SLC35F3: variants seen among roughly 807,000 people sequenced by gnomAD.
The protein encoded by SLC35F3 is solute carrier family 35 member F3.
In SLC35F3, 25 loss-of-function variants were observed where a neutral mutation model predicts 49.9. The ratio of observed to expected loss-of-function variants is 0.50; its 90% confidence interval spans 0.37 to 0.70. The LOEUF (loss-of-function observed/expected upper bound fraction) is 0.70, where lower values mean the gene tolerates loss of function less well. Among genes scored for constraint, SLC35F3 ranks in the 30% least tolerant of loss-of-function variants. SLC35F3 has a pLI of 0.00. For synonymous variants in SLC35F3, 275 were observed against 265.4 expected, an observed-to-expected ratio of 1.04 and a Z score of -0.35; for missense variants, 525 against 639.8, an observed-to-expected ratio of 0.82 and a Z score of 1.94.
chr1:233,913,799 A>G (rs1363936458), intron 2 of SLC35F3, among the ~76,000 whole-genome samples: 2 of 152,196 alleles, frequency 1.3e-5, no homozygotes, highest in Admixed American at 6.5e-5. Flanking sequence ...TAACCCTGCT[A>G]AAAACACTGA....
chr1:234,025,023 C>T (rs1198455490), intron 2 of SLC35F3, among the ~76,000 whole-genome samples: 1 of 152,130 alleles, frequency 6.6e-6, no homozygotes, highest in Non-Finnish European at 1.5e-5. Flanking sequence ...TCTTTATGAT[C>T]GTGTACACTC....
chr1:233,980,589 G>A (rs1373561604), intron 2 of SLC35F3, among the ~76,000 whole-genome samples: 2 of 152,202 alleles, frequency 1.3e-5, no homozygotes, highest in Non-Finnish European at 2.9e-5. Context: ...GGCAAGGTGC[G>A]TGACTAAAGA....
At chr1:234,036,020 A>G (rs1165315689) in intron 2 of SLC35F3, among the ~76,000 whole-genome samples, 1 of 152,174 alleles carries the variant, frequency 6.6e-6, no homozygotes, top group Admixed American at 6.6e-5. Flanking sequence ...CTCTGAGCTC[A>G]TGGGTTAGAA....
At chr1:234,312,513 G>T (rs1393241250) in intron 4 of SLC35F3, among the ~76,000 whole-genome samples, 1 of 152,180 alleles carries the variant, frequency 6.6e-6, no homozygotes, top group African/African-American at 2.4e-5. Context: ...ACTCCCTGCT[G>T]TGTGGGGGGC....
intron 2 of SLC35F3, among the ~76,000 whole-genome samples, chr1:233,913,611 A>C (rs1053035673): frequency 2.0e-5 from 3 of 152,228 alleles, no homozygotes; most frequent in African/African-American, 7.2e-5. Flanking sequence ...ACATTTGTTA[A>C]ATGTACTTAT....
intron 2 of SLC35F3, among the ~76,000 whole-genome samples, chr1:234,219,848 G>A (rs559643711): frequency 4.3e-4 from 66 of 152,332 alleles, no homozygotes; most frequent in African/African-American, 1.6e-3. Context: ...GCATGGTAGA[G>A]GAGTTTGCCT....
At chr1:234,057,619 G>A (rs1422178690) in intron 2 of SLC35F3, among the ~76,000 whole-genome samples, 1 of 151,854 alleles carries the variant, frequency 6.6e-6, no homozygotes, top group Non-Finnish European at 1.5e-5. Flanking sequence ...TTCCAATTTG[G>A]GTACCTTTTA....
At chr1:234,224,027 T>C (rs1468392175) in intron 2 of SLC35F3, among the ~76,000 whole-genome samples, 1 of 151,476 alleles carries the variant, frequency 6.6e-6, no homozygotes, top group Admixed American at 6.6e-5. Flanking sequence ...TCCATCCTTA[T>C]GACCTCATTT....
intron 2 of SLC35F3, among the ~76,000 whole-genome samples, chr1:234,016,082 A>G (rs1298744925): frequency 6.6e-6 from 1 of 152,194 alleles, no homozygotes; most frequent in Non-Finnish European, 1.5e-5. Flanking sequence ...GGAAATGCAA[A>G]TTAAAACCAC....
rs141778003 is a variant in SLC35F3, at chr1:234,102,349, T to TTG, written c.284-129056_284-129055dup. Among the ~76,000 whole-genome samples, 11 of 151,796 alleles carry TTG rather than the reference T, an allele frequency of 7.2e-5. No homozygotes were observed. In the South Asian group the frequency reaches 1.9e-3, roughly 26 times the overall value. On this transcript the variant is annotated intron_variant, in intron 2 of 7. Coordinates refer to ENST00000366618, the MANE Select transcript of SLC35F3 (RefSeq NM_173508.4). ...GTTTTTTGGGGAGGTGTGTGTGTGT[T>TTG]TGTGTGTGTGTGTATTTTATCATGA...
intron 2 of SLC35F3, among the ~76,000 whole-genome samples, chr1:234,028,901 G>A (rs780939830): frequency 1.5e-4 from 23 of 152,170 alleles, no homozygotes; most frequent in Non-Finnish European, 2.6e-4. Flanking sequence ...GCCATAGAGG[G>A]TGAGAGAGGA....
intron 2 of SLC35F3, among the ~76,000 whole-genome samples, chr1:233,919,072 T>G (rs1662019816): frequency 6.6e-6 from 1 of 152,188 alleles, no homozygotes; most frequent in Admixed American, 6.5e-5. Flanking sequence ...TTTTTCAACC[T>G]TTCTGTAAAT....
At chr1:234,035,598 A>ACCTGGC (rs1438141685) in intron 2 of SLC35F3, among the ~76,000 whole-genome samples, 1 of 152,052 alleles carries the variant, frequency 6.6e-6, no homozygotes, top group Non-Finnish European at 1.5e-5. Flanking sequence ...GAGTTTCATG[A>ACCTGGC]CCTGGCCCTG....
At chr1:233,938,634 A>C (rs546258783) in intron 2 of SLC35F3, among the ~76,000 whole-genome samples, 4 of 151,290 alleles carry the variant, frequency 2.6e-5, no homozygotes, top group African/African-American at 9.7e-5. Context: ...GGATAGATGG[A>C]TGGATGGATG....
At chr1:233,914,999 G>A (rs1661944612) in intron 2 of SLC35F3, among the ~76,000 whole-genome samples, 1 of 152,162 alleles carries the variant, frequency 6.6e-6, no homozygotes, top group Non-Finnish European at 1.5e-5. Flanking sequence ...ATTTGAGATT[G>A]GAGGAAACGA....
At chr1:234,125,747 G>T (rs1301624861) in intron 2 of SLC35F3, among the ~76,000 whole-genome samples, 1 of 152,102 alleles carries the variant, frequency 6.6e-6, no homozygotes, top group Non-Finnish European at 1.5e-5. Context: ...TTCATCCTCT[G>T]CATTGTTCAC....
Position 234,112,624 on chromosome 1 carries a change from C to T in SLC35F3, c.284-118793C>T, listed in dbSNP as rs536046758. Among the ~76,000 whole-genome samples, 29 of 144,840 alleles carry T rather than the reference C, an allele frequency of 2.0e-4. No individual in the cohort carries two copies. In the South Asian group the frequency reaches 6.3e-3, roughly 31 times the overall value. Reference sequence around the variant, plus strand: ...AGGCTGGAGTGCAGTGCCGCTATCTCGGCTCGCTGCAAGCTCCGCCTCCTG... The same window carrying T: ...AGGCTGGAGTGCAGTGCCGCTATCTTGGCTCGCTGCAAGCTCCGCCTCCTG... On this transcript the variant is annotated intron_variant, in intron 2 of 7. Coordinates refer to ENST00000366618, the MANE Select transcript of SLC35F3 (RefSeq NM_173508.4).
intron 2 of SLC35F3, among the ~76,000 whole-genome samples, chr1:234,108,764 TATATATATCTTTTATATATAAAAG>T (rs1558231882): frequency 6.7e-5 from 5 of 74,944 alleles, no homozygotes; most frequent in African/African-American, 1.5e-4. Context: ...TATATATAAA[TATATATATCTTTTATATATAAAAG>T]ATATATATAT....
intron 3 of SLC35F3, among the ~76,000 whole-genome samples, chr1:234,267,860 C>T (rs575505310): frequency 1.8e-4 from 25 of 138,472 alleles, no homozygotes; most frequent in Admixed American, 7.7e-4. Flanking sequence ...CCAGACAGGG[C>T]GGCGGGGCAG....
Sources: gnomAD v4.1 joint callset for allele counts (sites outside exome capture counted in the v4.1 genomes callset) on GRCh38, gnomAD v4.1.1 for gene constraint, MANE v1.5 for transcripts, NCBI Gene and HGNC (gene_info 2026-07-23, HGNC 2026-07-21) for gene names.